SRD5A2: variants seen among roughly 807,000 people sequenced by gnomAD.
SRD5A2 encodes the protein 3-oxo-5-alpha-steroid 4-dehydrogenase 2.
In SRD5A2, 30 loss-of-function variants were observed where a neutral mutation model predicts 27.4. The observed-to-expected ratio is 1.10, with a 90% CI of 0.82 to 1.49. The LOEUF is 1.49. SRD5A2 is among the 40% of genes most tolerant of loss of function. The probability of loss-of-function intolerance (pLI) is 0.00; values close to 1 mark genes in which losing one functional copy is unlikely to be tolerated. For missense variants in SRD5A2, 348 were observed against 323.4 expected, an observed-to-expected ratio of 1.08 and a Z score of -0.58; for synonymous variants, 141 against 133.6, an observed-to-expected ratio of 1.06 and a Z score of -0.38.
intron 1 of SRD5A2, among the ~76,000 whole-genome samples, chr2:31,570,918 A>C (rs1164108629): frequency 1.3e-5 from 2 of 152,230 alleles, no homozygotes; most frequent in Non-Finnish European, 2.9e-5. Context: ...GGATAGAAAG[A>C]ATCAATATTG....
At chr2:31,531,576 T>C (rs370422186) in intron 2 of SRD5A2, 104 bp from the exon 3 acceptor site, 2 of 581,368 alleles carry the variant, frequency 3.4e-6, no homozygotes, top group Non-Finnish European at 2.8e-6. Flanking sequence ...ATTTAATTTC[T>C]AAATCTAAGA....
the SRD5A2 span, among the ~76,000 whole-genome samples, chr2:31,602,695 G>A: frequency 6.6e-6 from 1 of 151,902 alleles, no homozygotes; most frequent in Non-Finnish European, 1.5e-5. Flanking sequence ...ACACAGTACT[G>A]GTGGAAGAAC....
chr2:31,612,373 C>T, the SRD5A2 span, among the ~76,000 whole-genome samples: 1 of 151,074 alleles, frequency 6.6e-6, no homozygotes, highest in Admixed American at 6.6e-5. Flanking sequence ...TGTTTCTATA[C>T]ACTAACAGTG....
At chr2:31,536,503 T>G (rs982132717) in intron 1 of SRD5A2, among the ~76,000 whole-genome samples, 1 of 152,210 alleles carries the variant, frequency 6.6e-6, no homozygotes, top group Non-Finnish European at 1.5e-5. Context: ...TCCACCCTCA[T>G]TCTTTTGGCC....
In SRD5A2 at chr2:31,580,916, G is replaced by A. The variant is rs1480961998; in HGVS notation, c.-16C>T. ...GAACCTGCATCGCGCCGTGTTCCTC[G>A]CCGGTGGCCGCTGCCCTCCCAGAAG... On this transcript the variant is annotated 5_prime_UTR_variant, in exon 1 of 5. Coordinates refer to ENST00000622030, the MANE Select transcript of SRD5A2 (RefSeq NM_000348.4). 1.9e-6 allele frequency: 3 copies of A among 1,586,860 alleles called. No individual in the cohort carries two copies. The highest frequency in any genetic ancestry group is 2.3e-5 in the East Asian group (1 of 44,250).
chr2:31,584,546 A>T (rs1361891272), upstream of SRD5A2, among the ~76,000 whole-genome samples: 2 of 152,216 alleles, frequency 1.3e-5, no homozygotes, highest in Admixed American at 1.3e-4. Flanking sequence ...GTTCAAGGTT[A>T]CGTAAGCTAC....
chr2:31,554,941 G>A (rs1043105211), intron 1 of SRD5A2, among the ~76,000 whole-genome samples: 33 of 149,540 alleles, frequency 2.2e-4, no homozygotes, highest in African/African-American at 7.8e-4. Context: ...GTGTGTGTGT[G>A]TGTGTGTGTG....
chr2:31,633,960 T>A, the SRD5A2 span, among the ~76,000 whole-genome samples: 2 of 152,140 alleles, frequency 1.3e-5, no homozygotes, highest in African/African-American at 2.4e-5. Context: ...AAAATTTTTT[T>A]AAATGCTAAT....
the SRD5A2 span, among the ~76,000 whole-genome samples, chr2:31,596,748 C>T: frequency 6.6e-6 from 1 of 151,848 alleles, no homozygotes; most frequent in East Asian, 1.9e-4. Context: ...AGAATAGCTG[C>T]AAAAAATAAA....
intron 1 of SRD5A2, among the ~76,000 whole-genome samples, chr2:31,568,875 C>A (rs1013774596): frequency 6.6e-6 from 1 of 152,238 alleles, no homozygotes; most frequent in Admixed American, 6.5e-5. Flanking sequence ...GTCAATGCCG[C>A]CCTGAGCTTG....
Position 31,555,937 on chromosome 2 carries a change from T to C in SRD5A2, c.282-22171A>G, listed in dbSNP as rs149972689. Among the ~76,000 whole-genome samples, 27 of 152,270 alleles carry C rather than the reference T, an allele frequency of 1.8e-4. No homozygotes were observed. In the East Asian group the frequency reaches 1.9e-3, roughly 11 times the overall value. On this transcript the variant is annotated intron_variant, in intron 1 of 4. Transcript: ENST00000622030. ...CTGGGCAATATAGTGAGATCATATCTCTAAAATGAAAACAAAATAAAAAAC... is the reference window on the plus strand; with the variant it reads ...CTGGGCAATATAGTGAGATCATATCCCTAAAATGAAAACAAAATAAAAAAC...
chr2:31,537,021 C>T (rs967416280), intron 1 of SRD5A2, among the ~76,000 whole-genome samples: 1 of 152,116 alleles, frequency 6.6e-6, no homozygotes, highest in Non-Finnish European at 1.5e-5. Flanking sequence ...ACTGAAATTG[C>T]AAATCCAAAT....
chr2:31,534,003 A>C (rs1475439122), intron 1 of SRD5A2, among the ~76,000 whole-genome samples: 2 of 152,268 alleles, frequency 1.3e-5, no homozygotes, highest in South Asian at 4.1e-4. Flanking sequence ...TAAATAATTT[A>C]TGTAATAAAT....
chr2:31,642,960 A>C, the SRD5A2 span, among the ~76,000 whole-genome samples: 1 of 152,082 alleles, frequency 6.6e-6, no homozygotes, highest in African/African-American at 2.4e-5. Flanking sequence ...ATAATGTTCC[A>C]AAGCAGGTAA....
At chr2:31,571,942 C>G (rs1181078124) in intron 1 of SRD5A2, among the ~76,000 whole-genome samples, 1 of 151,908 alleles carries the variant, frequency 6.6e-6, no homozygotes, top group African/African-American at 2.4e-5. Flanking sequence ...TAATTTAAAA[C>G]AGAATCACCA....
the SRD5A2 span, among the ~76,000 whole-genome samples, chr2:31,594,984 G>A: frequency 2.0e-3 from 301 of 152,170 alleles, no homozygotes; most frequent in Admixed American, 5.9e-3. Context: ...AAATCAAAAC[G>A]GAAATTTTTT....
the SRD5A2 span, among the ~76,000 whole-genome samples, chr2:31,599,641 TG>T: frequency 6.6e-6 from 1 of 152,028 alleles, no homozygotes; most frequent in East Asian, 1.9e-4. Flanking sequence ...CTGAAACCTA[TG>T]GGATATAGCA....
the SRD5A2 span, among the ~76,000 whole-genome samples, chr2:31,601,838 G>T: frequency 6.6e-6 from 1 of 152,100 alleles, no homozygotes; most frequent in East Asian, 1.9e-4. Context: ...TGCAGAAAGG[G>T]CCTTCAATAA....
chr2:31,596,747 G>T, the SRD5A2 span, among the ~76,000 whole-genome samples: 3 of 151,972 alleles, frequency 2.0e-5, no homozygotes, highest in African/African-American at 7.2e-5. Context: ...CAGAATAGCT[G>T]CAAAAAATAA....
Sources: allele counts gnomAD v4.1 joint callset (sites outside exome capture counted in the v4.1 genomes callset), GRCh38; gene constraint gnomAD v4.1.1; transcripts MANE v1.5; gene names NCBI Gene and HGNC (gene_info 2026-07-23, HGNC 2026-07-21).